PTPRT: variants seen among roughly 807,000 people sequenced by gnomAD.
PTPRT encodes the protein protein tyrosine phosphatase receptor type T, also known as receptor-type tyrosine-protein phosphatase T.
A neutral mutation model predicts 176.8 loss-of-function variants in PTPRT; 56 were observed. That is an observed-to-expected ratio of 0.32 (90% confidence interval 0.26 to 0.40). The LOEUF (loss-of-function observed/expected upper bound fraction) is 0.40. Among genes scored for constraint, PTPRT ranks in the 10% least tolerant of loss-of-function variants. The probability of loss-of-function intolerance (pLI) is 1.00; values close to 1 mark genes in which losing one functional copy is unlikely to be tolerated. For missense variants in PTPRT, 1,540 were observed against 1,908.2 expected (o/e 0.81, Z 3.60); for synonymous variants, 783 against 739.0 (o/e 1.06, Z -0.96).
chr20:42,589,714 T>C (rs58401515), intron 7 of PTPRT, among the ~76,000 whole-genome samples: 3,734 of 152,214 alleles, frequency 0.025, 93 homozygotes, highest in East Asian at 0.14. Context: ...CCAGCTAGGC[T>C]CTGGGGGTAG....
At chr20:43,109,514 T>A (rs1273749174) in intron 1 of PTPRT, among the ~76,000 whole-genome samples, 1 of 152,112 alleles carries the variant, frequency 6.6e-6, no homozygotes, top group Admixed American at 6.5e-5. Context: ...TCAGTATACA[T>A]TTTTTTCATT....
Position 43,185,203 on chromosome 20 carries a change from G to A in PTPRT, c.88+4443C>T, listed in dbSNP as rs536750519. Among the ~76,000 whole-genome samples the A allele has an allele frequency of 1.4e-4, 22 of 152,286 alleles. No homozygotes were observed. The South Asian group carries it at 3.1e-3, about 22-fold the overall frequency. ...TTTGCAAATGCTATTATACTTGTCC[G>A]ACATGGTTTGTTCTCAATAATCTCA... On this transcript the variant is annotated intron_variant, in intron 1 of 30. Coordinates refer to ENST00000373187, the MANE Select transcript of PTPRT (RefSeq NM_007050.6).
At chr20:43,153,559 T>A (rs991170515) in intron 1 of PTPRT, among the ~76,000 whole-genome samples, 7 of 152,034 alleles carry the variant, frequency 4.6e-5, no homozygotes, top group Non-Finnish European at 1.0e-4. Context: ...ATTCCAGAAC[T>A]CACATTATAC....
intron 1 of PTPRT, among the ~76,000 whole-genome samples, chr20:42,918,490 T>C (rs934316022): frequency 6.6e-6 from 1 of 152,152 alleles, no homozygotes; most frequent in African/African-American, 2.4e-5. Context: ...CTCCTTCCCA[T>C]GGGCCCCTTC....
chr20:42,417,076 A>G (rs1012518398), intron 9 of PTPRT, among the ~76,000 whole-genome samples: 13 of 152,336 alleles, frequency 8.5e-5, no homozygotes, highest in African/African-American at 3.1e-4. Context: ...AGAGGGAGAA[A>G]GGATGCCCTA....
chr20:42,479,187 T>G (rs1213495843), intron 7 of PTPRT, among the ~76,000 whole-genome samples: 1 of 152,216 alleles, frequency 6.6e-6, no homozygotes, highest in Non-Finnish European at 1.5e-5. Context: ...GCAAAACAGA[T>G]TTTCAATTCA....
intron 2 of PTPRT, among the ~76,000 whole-genome samples, chr20:42,800,828 G>A (rs1352573568): frequency 2.0e-5 from 3 of 152,072 alleles, no homozygotes; most frequent in African/African-American, 7.2e-5. Flanking sequence ...ACTAAATTGG[G>A]TCATCGCTAT....
intron 1 of PTPRT, among the ~76,000 whole-genome samples, chr20:43,113,739 G>A (rs1368385647): frequency 1.3e-5 from 2 of 152,190 alleles, no homozygotes; most frequent in Admixed American, 6.5e-5. Context: ...GGTTACTGCT[G>A]AGGCTGGATT....
At chr20:42,958,463 AG>A (rs1981801676) in intron 1 of PTPRT, among the ~76,000 whole-genome samples, 2 of 84,386 alleles carry the variant, frequency 2.4e-5, no homozygotes, top group Non-Finnish European at 4.8e-5. Context: ...AGGAGGGGGG[AG>A]GGGGAGGGGA....
chr20:42,846,200 A>G (rs549489146), intron 2 of PTPRT, among the ~76,000 whole-genome samples: 147 of 152,314 alleles, frequency 9.7e-4, no homozygotes, highest in African/African-American at 3.5e-3. Context: ...TCCTGCTGCC[A>G]TTGCAAATTA....
chr20:42,962,026 C>T (rs1269922122), intron 1 of PTPRT, among the ~76,000 whole-genome samples: 5 of 152,180 alleles, frequency 3.3e-5, no homozygotes, highest in Non-Finnish European at 5.9e-5. Context: ...GAATGCAGTC[C>T]TGCTGTCACC....
At chr20:42,548,731 C>A (rs1442245771) in intron 7 of PTPRT, among the ~76,000 whole-genome samples, 2 of 152,040 alleles carry the variant, frequency 1.3e-5, no homozygotes, top group African/African-American at 4.8e-5. Context: ...CAAATAATAT[C>A]CAGGATATAA....
chr20:43,165,033 A>C (rs1034561590), intron 1 of PTPRT, among the ~76,000 whole-genome samples: 8 of 152,096 alleles, frequency 5.3e-5, no homozygotes, highest in African/African-American at 1.9e-4. Flanking sequence ...CCCATGTGTC[A>C]TGGGAGGGAC....
intron 1 of PTPRT, among the ~76,000 whole-genome samples, chr20:43,146,962 C>A (rs2014188541): frequency 6.6e-6 from 1 of 152,172 alleles, no homozygotes; most frequent in Admixed American, 6.5e-5. Flanking sequence ...CTTCCCAGGG[C>A]AGCTCCAGTG....
intron 9 of PTPRT, among the ~76,000 whole-genome samples, chr20:42,436,867 C>G (rs1036193370): frequency 1.3e-5 from 2 of 152,170 alleles, no homozygotes; most frequent in Admixed American, 6.5e-5. Context: ...ACTACAGCTG[C>G]ACTCATCCGT....
intron 23 of PTPRT, among the ~76,000 whole-genome samples, chr20:42,109,524 T>G (rs2146285863): frequency 6.6e-6 from 1 of 152,250 alleles, no homozygotes; most frequent in East Asian, 1.9e-4. Flanking sequence ...GCTGTCCATT[T>G]CTCTCTATGA....
In PTPRT at chr20:42,248,775, C is replaced by G; in HGVS notation, c.2224G>C (p.Asp742His). 1 of 1,614,110 alleles carries G rather than the reference C, an allele frequency of 6.2e-7. No individual in the cohort carries two copies. The highest frequency in any genetic ancestry group is 8.5e-7 in the Non-Finnish European group (1 of 1,179,980). Residue 742 changes from aspartate (D) to histidine (H), a missense_variant, in exon 14 of 31, where the codon GAC becomes CAC. Physicochemically the swap from Asp to His is moderately conservative, Grantham distance 81 (BLOSUM62 -1). Around this residue, in one of 11 missense-constraint regions of PTPRT, gnomAD observed 255 missense variants for 250.1 expected, o/e 1.02. Transcript: ENST00000373187. ...SNTVEPEKQV[D>H]NTVKMAGVIA... ...ACGCCAGCCATCTTCACGGTGTTGTCCACCTGCTTCTCTGGCTCCACAGTG... is the reference window on the plus strand; with the variant it reads ...ACGCCAGCCATCTTCACGGTGTTGTGCACCTGCTTCTCTGGCTCCACAGTG...
At chr20:42,304,260 C>A (rs996425567) in intron 12 of PTPRT, among the ~76,000 whole-genome samples, 1 of 152,042 alleles carries the variant, frequency 6.6e-6, no homozygotes, top group East Asian at 1.9e-4. Context: ...CCTGATCCCA[C>A]GTCATGTTCA....
intron 1 of PTPRT, among the ~76,000 whole-genome samples, chr20:42,952,287 T>C (rs1241776021): frequency 6.6e-6 from 1 of 152,216 alleles, no homozygotes; most frequent in African/African-American, 2.4e-5. Flanking sequence ...AAAATTGAAC[T>C]TTCATGGAGC....
Sources: allele counts gnomAD v4.1 joint callset (sites outside exome capture counted in the v4.1 genomes callset), GRCh38; gene constraint gnomAD v4.1.1; regional missense constraint gnomAD v4.1.1; transcripts MANE v1.5; gene names NCBI Gene and HGNC (gene_info 2026-07-23, HGNC 2026-07-21).